Variants in ROBO1 observed in about 807,000 individuals in gnomAD.
ROBO1 encodes the protein roundabout guidance receptor 1, also known as roundabout homolog 1.
A neutral mutation model predicts 195.9 loss-of-function variants in ROBO1; 149 were observed. The ratio of observed to expected loss-of-function variants is 0.76; its 90% CI spans 0.67 to 0.87. The LOEUF (loss-of-function observed/expected upper bound fraction) is 0.87. Ranked by LOEUF, ROBO1 falls within the 40% of genes least tolerant of loss-of-function variation. The probability of loss-of-function intolerance (pLI) is 0.00; values close to 1 mark genes in which losing one functional copy is unlikely to be tolerated. For missense variants in ROBO1, 1,933 were observed against 2,068.3 expected (o/e 0.93, Z 1.27); for synonymous variants, 816 against 733.2 (o/e 1.11, Z -1.82).
chr3:78,760,119 G>C (rs555893849), intron 4 of ROBO1, among the ~76,000 whole-genome samples: 1 of 152,096 alleles, frequency 6.6e-6, no homozygotes, highest in East Asian at 1.9e-4. Context: ...CTTGCGCTTG[G>C]CTCTCACTCC....
At chr3:78,856,908 A>AAC (rs1484593146) in intron 4 of ROBO1, among the ~76,000 whole-genome samples, 3 of 151,444 alleles carry the variant, frequency 2.0e-5, no homozygotes. Context: ...CTCTAATACT[A>AAC]ACAAGCACCT....
At chr3:79,539,891 T>C (rs1387395059) in intron 2 of ROBO1, among the ~76,000 whole-genome samples, 1 of 151,754 alleles carries the variant, frequency 6.6e-6, no homozygotes, top group Admixed American at 6.6e-5. Flanking sequence ...ATGTAGACTA[T>C]TGCCCAGAGG....
intron 2 of ROBO1, among the ~76,000 whole-genome samples, chr3:79,365,474 TATC>T (rs1413284662): frequency 6.6e-6 from 1 of 152,204 alleles, no homozygotes; most frequent in African/African-American, 2.4e-5. Context: ...CTCTCTGCTT[TATC>T]ATCAGAGGAT....
chr3:79,187,064 A>G (rs771823354), intron 2 of ROBO1, among the ~76,000 whole-genome samples: 2 of 152,112 alleles, frequency 1.3e-5, no homozygotes, highest in Non-Finnish European at 2.9e-5. Flanking sequence ...TAGTTTGAGA[A>G]GAATGCTGTC....
chr3:78,657,251 C>A lies in ROBO1; in HGVS notation c.2461G>T (p.Glu821Ter). 1 of 1,613,628 alleles carries A rather than the reference C, an allele frequency of 6.2e-7. No individual in the cohort carries two copies. Among genetic ancestry groups the A allele is most frequent in the Non-Finnish European group, 8.5e-7 (1 of 1,179,742 alleles). The part of the protein sequence containing the change: ...QEYKVWCLGN[E>*]TRYHINKTVD... ...GTTTTGTTGATGTGGTATCGAGTTT[C>A]ATTGCCCAGACACCAAACCTGTAAG... is the stretch of plus-strand genomic sequence containing the variant. Residue 821 changes from glutamate (E) to a stop codon, truncating the protein, a stop_gained, in exon 18 of 31, where the codon GAA becomes TAA. Transcript: ENST00000464233. LOFTEE classifies it high-confidence loss of function.
At chr3:79,308,254 A>G (rs1242079397) in intron 2 of ROBO1, among the ~76,000 whole-genome samples, 8 of 152,208 alleles carry the variant, frequency 5.3e-5, no homozygotes, top group Non-Finnish European at 1.2e-4. Flanking sequence ...ACTAAGAAAA[A>G]TAACAATTCC....
In ROBO1 at chr3:79,678,255, C is replaced by T. The variant is rs1946842767; in HGVS notation, c.-50-88294G>A. On this transcript the variant is annotated intron_variant, in intron 1 of 30. Coordinates refer to ENST00000464233, the MANE Select transcript of ROBO1 (RefSeq NM_002941.4). ...TAATGGTAATTAAAGCAACATGGAG[C>T]TGAACATGAGGAGCAGATTAGTTAA... is the stretch of plus-strand genomic sequence containing the variant. Among the ~76,000 whole-genome samples the T allele has an allele frequency of 2.6e-5, 4 of 151,752 alleles. No homozygotes were observed. The South Asian group carries it at 8.3e-4, about 32-fold the overall frequency.
intron 1 of ROBO1, among the ~76,000 whole-genome samples, chr3:79,664,830 C>A (rs1255978864): frequency 6.6e-6 from 1 of 151,924 alleles, no homozygotes; most frequent in Non-Finnish European, 1.5e-5. Context: ...CCTTCCGGTA[C>A]TGTAGGCAGG....
At chr3:79,108,779 A>G (rs536616924) in intron 3 of ROBO1, among the ~76,000 whole-genome samples, 2 of 151,860 alleles carry the variant, frequency 1.3e-5, no homozygotes, top group African/African-American at 4.8e-5. Flanking sequence ...GCAAACCCCT[A>G]TTCTAGGAAT....
chr3:78,662,415 A>C (rs2107674359), intron 14 of ROBO1, among the ~76,000 whole-genome samples: 1 of 152,304 alleles, frequency 6.6e-6, no homozygotes, highest in South Asian at 2.1e-4. Context: ...CCTATCATGT[A>C]ACGATCACTT....
rs1445685154 is a variant in ROBO1, at chr3:79,215,710, T to G, written c.89-90171A>C. On this transcript the variant is annotated intron_variant, in intron 2 of 30. Transcript: ENST00000464233. ...GGTGAGCATGTGGGTGTATGATTACTGTATGTACAGAGTTCCTTCCATTCT... is the reference window on the plus strand; with the variant it reads ...GGTGAGCATGTGGGTGTATGATTACGGTATGTACAGAGTTCCTTCCATTCT... Among the ~76,000 whole-genome samples, 4 of 152,342 alleles carry G rather than the reference T, an allele frequency of 2.6e-5. No homozygotes were observed. In the East Asian group the frequency reaches 7.7e-4, roughly 29 times the overall value.
chr3:79,617,260 T>C (rs1276945832), intron 1 of ROBO1, among the ~76,000 whole-genome samples: 1 of 152,074 alleles, frequency 6.6e-6, no homozygotes, highest in African/African-American at 2.4e-5. Context: ...TTAGTTGTAA[T>C]TGCCATCTAC....
chr3:79,364,797 CTTTAG>C (rs1431443648), intron 2 of ROBO1, among the ~76,000 whole-genome samples: 1 of 152,150 alleles, frequency 6.6e-6, no homozygotes, highest in Non-Finnish European at 1.5e-5. Flanking sequence ...GATACCTTAA[CTTTAG>C]TTTAACATGT....
intron 2 of ROBO1, among the ~76,000 whole-genome samples, chr3:79,290,965 T>C (rs1281313443): frequency 6.6e-6 from 1 of 152,206 alleles, no homozygotes; most frequent in Non-Finnish European, 1.5e-5. Context: ...TCCTGAGGGA[T>C]TTCAATATCC....
At chr3:79,161,450 A>G (rs1327801077) in intron 2 of ROBO1, among the ~76,000 whole-genome samples, 1 of 152,114 alleles carries the variant, frequency 6.6e-6, no homozygotes, top group Admixed American at 6.6e-5. Context: ...AAAACCAAAT[A>G]ATAGCCTATG....
chr3:79,099,155 T>G lies in ROBO1; in HGVS notation c.172+26301A>C, dbSNP rs566045276. 1.2e-4 allele frequency among the ~76,000 whole-genome samples: 18 copies of G among 151,930 alleles called. No homozygotes were observed. In the South Asian group the frequency reaches 2.7e-3, roughly 23 times the overall value. On this transcript the variant is annotated intron_variant, in intron 3 of 30. Coordinates refer to ENST00000464233, the MANE Select transcript of ROBO1 (RefSeq NM_002941.4). ...TATTACTTGACATTTTTATTAAAAATGGAAAGGAAACATACTTTTTCTGCC... is the reference window on the plus strand; with the variant it reads ...TATTACTTGACATTTTTATTAAAAAGGGAAAGGAAACATACTTTTTCTGCC...
chr3:79,302,175 T>A (rs530091764), intron 2 of ROBO1, among the ~76,000 whole-genome samples: 62 of 152,318 alleles, frequency 4.1e-4, no homozygotes, highest in Non-Finnish European at 7.6e-4. Context: ...GGTAATCTAA[T>A]CAACCTCTGC....
At chr3:78,611,070 A>AC (rs1240109219) in intron 28 of ROBO1, among the ~76,000 whole-genome samples, 4 of 152,098 alleles carry the variant, frequency 2.6e-5, no homozygotes, top group Non-Finnish European at 5.9e-5. Flanking sequence ...AATCTTATAA[A>AC]CACTCATTCT....
intron 3 of ROBO1, among the ~76,000 whole-genome samples, chr3:78,964,787 A>G (rs2041587324): frequency 6.6e-6 from 1 of 151,658 alleles, no homozygotes; most frequent in Admixed American, 6.6e-5. Flanking sequence ...CTAAAAGAGG[A>G]AAGCAAGCTT....
Sources: gnomAD v4.1 joint callset for allele counts (sites outside exome capture counted in the v4.1 genomes callset) on GRCh38, gnomAD v4.1.1 for gene constraint, MANE v1.5 for transcripts, NCBI Gene and HGNC (gene_info 2026-07-23, HGNC 2026-07-21) for gene names.